GRAMD4: variants seen among roughly 807,000 people sequenced by gnomAD.
GRAMD4 encodes GRAM domain-containing protein 4.
A neutral mutation model predicts 83.9 loss-of-function variants in GRAMD4; 25 were observed. The ratio of observed to expected loss-of-function variants is 0.30; its 90% CI spans 0.22 to 0.42. The LOEUF (loss-of-function observed/expected upper bound fraction) is 0.42. Among genes scored for constraint, GRAMD4 ranks in the 10% least tolerant of loss-of-function variants. The pLI is 1.00. For synonymous variants in GRAMD4, 336 were observed against 320.9 expected (o/e 1.05, Z -0.50); for missense variants, 593 against 788.7 (o/e 0.75, Z 2.97).
chr22:46,643,180 C>CATTTATCCATCCCTGG (rs2082011246), intron 3 of GRAMD4, among the ~76,000 whole-genome samples: 5 of 115,112 alleles, frequency 4.3e-5, no homozygotes, highest in African/African-American at 1.2e-4. Context: ...TCCATCCATC[C>CATTTATCCATCCCTGG]ATCCATCCAT....
downstream of GRAMD4, among the ~76,000 whole-genome samples, chr22:46,682,631 T>C (rs2082676409): frequency 6.6e-6 from 1 of 152,362 alleles, no homozygotes; most frequent in East Asian, 1.9e-4. Flanking sequence ...GCAGCTTACA[T>C]GGACTTCTTT....
At chr22:46,603,513 C>CTTTTTTTTTTTTTTTTTT (rs1569254347) in intron 1 of GRAMD4, among the ~76,000 whole-genome samples, 3 of 106,012 alleles carry the variant, frequency 2.8e-5, no homozygotes, top group African/African-American at 1.1e-4. Flanking sequence ...CCGGCCTCTT[C>CTTTTTTTTTTTTTTTTTT]TCTTTTTTTT....
intron 10 of GRAMD4, 59 bp downstream of exon 10, chr22:46,666,932 A>G (rs1227133952): frequency 1.6e-6 from 2 of 1,252,848 alleles, no homozygotes; most frequent in Admixed American, 4.4e-5. Context: ...CAGGCCTCAC[A>G]GCCTGTAGGC....
At position 46,677,168 on chromosome 22, in the gene GRAMD4, G is replaced by A. The variant is rs1011822619; in HGVS notation, c.1654G>A (p.Val552Met). 1 of 1,613,788 alleles carries A rather than the reference G, an allele frequency of 6.2e-7. No individual in the cohort carries two copies. Among genetic ancestry groups the A allele is most frequent in the Non-Finnish European group, 8.5e-7 (1 of 1,179,980 alleles). ...TQKPLVFGAM[V>M]HRDEAFETIL... The stretch of plus-strand genomic sequence containing the variant: ...CCAGCCGCTCGTGTTTGGTGCCATG[G>A]TGCACAGGGATGAGGCCTTCGAGAC... Residue 552 changes from valine to methionine, a missense_variant, in exon 19 of 19, where the codon GTG becomes ATG. Coordinates refer to ENST00000406902, the MANE Select transcript of GRAMD4 (RefSeq NM_015124.5).
At chr22:46,595,209 C>T (rs955669248) in intron 1 of GRAMD4, among the ~76,000 whole-genome samples, 6 of 152,244 alleles carry the variant, frequency 3.9e-5, no homozygotes, top group African/African-American at 9.6e-5. Context: ...CCAGGGTGGG[C>T]GTGGGTACTA....
At chr22:46,643,904 C>T (rs764685360) in intron 3 of GRAMD4, among the ~76,000 whole-genome samples, 14 of 152,256 alleles carry the variant, frequency 9.2e-5, no homozygotes, top group Middle Eastern at 3.4e-3. Flanking sequence ...AAAATCGTTT[C>T]CATGGTTCCA....
At chr22:46,618,288 C>T (rs1183743630), upstream of GRAMD4, among the ~76,000 whole-genome samples, 3 of 152,014 alleles carry the variant, frequency 2.0e-5, no homozygotes, top group African/African-American at 7.3e-5. The surrounding 1 kb of genome is among the most constrained non-coding windows in gnomAD (Gnocchi z 5.8). Flanking sequence ...GAGCACCAGG[C>T]GGGTTCTAAC....
In GRAMD4 at chr22:46,679,447, G is replaced by A; in HGVS notation, c.*2196G>A. 1.0e-6 allele frequency: 1 copy of A among 985,536 alleles called. No homozygotes were observed. The highest frequency in any genetic ancestry group is 1.7e-5 in the African/African-American group (1 of 57,358). 61.0% of individuals were successfully genotyped at this position (985,536 alleles called of 1,614,324 possible). A position where few individuals can be genotyped will look rare whatever the true frequency, so the allele number is the denominator to read the frequency against. ...ACAGGCCCCTCCCTGGAAGTCCTCG[G>A]GAGCGGAGCGCGGATCGGCACGGGC... On this transcript the variant is annotated 3_prime_UTR_variant, in exon 19 of 19. Coordinates refer to ENST00000406902, the MANE Select transcript of GRAMD4 (RefSeq NM_015124.5).
intron 2 of GRAMD4, among the ~76,000 whole-genome samples, chr22:46,628,474 C>T (rs1601591334): frequency 1.0e-5 from 1 of 97,024 alleles, no homozygotes; most frequent in African/African-American, 4.7e-5. Context: ...GTCTGAGGGG[C>T]GGGTGGACTG....
intron 3 of GRAMD4, among the ~76,000 whole-genome samples, chr22:46,649,040 T>C (rs956140125): frequency 4.6e-5 from 7 of 152,194 alleles, no homozygotes; most frequent in Admixed American, 3.9e-4. Context: ...CTCTTTTGCA[T>C]ATACTTTAAG....
At chr22:46,597,400 C>T (rs2081271784) in intron 1 of GRAMD4, among the ~76,000 whole-genome samples, 1 of 152,236 alleles carries the variant, frequency 6.6e-6, no homozygotes, top group South Asian at 2.1e-4. Flanking sequence ...TCCAGAGGAA[C>T]TTCTTTGGGT....
intron 1 of GRAMD4, among the ~76,000 whole-genome samples, chr22:46,626,284 C>T (rs563572978): frequency 1.3e-5 from 2 of 152,318 alleles, no homozygotes; most frequent in South Asian, 2.1e-4. Flanking sequence ...GTGTTGACCA[C>T]GTTCTTGACG....
intron 3 of GRAMD4, among the ~76,000 whole-genome samples, chr22:46,657,907 A>G (rs542012253): frequency 6.6e-6 from 1 of 152,296 alleles, no homozygotes; most frequent in African/African-American, 2.4e-5. Context: ...GTTATGAAGC[A>G]TAGTGAGGAA....
intron 1 of GRAMD4, among the ~76,000 whole-genome samples, chr22:46,582,387 G>C (rs2081106876): frequency 1.3e-5 from 2 of 152,090 alleles, no homozygotes; most frequent in African/African-American, 4.8e-5. Flanking sequence ...GGGTTCCCCT[G>C]CCGGCCGTTC....
At chr22:46,616,412 G>C (rs144110962), upstream of GRAMD4, among the ~76,000 whole-genome samples, 1 of 56,776 alleles carries the variant, frequency 1.8e-5, no homozygotes, top group African/African-American at 8.0e-5. Context: ...TCCCCTGTGC[G>C]TGTAGGTTCC....
At chr22:46,680,082 G>C (rs1272171312), downstream of GRAMD4, among the ~76,000 whole-genome samples, 1 of 152,216 alleles carries the variant, frequency 6.6e-6, no homozygotes, top group African/African-American at 2.4e-5. Context: ...CCTGCAGGGA[G>C]GGTACCCAGG....
rs1258819949 is a variant in GRAMD4, at chr22:46,655,090, G to C, written c.284-3097G>C. On this transcript the variant is annotated intron_variant, in intron 3 of 18. Transcript: ENST00000406902. ...CTGAGGCTGAGGGACAGCTTACCCT[G>C]GAGGGTGGAAGAGAAGCTTCCTCGG... Among the ~76,000 whole-genome samples, 3 of 152,224 alleles carry C rather than the reference G, an allele frequency of 2.0e-5. No individual in the cohort carries two copies. The East Asian group carries it at 5.8e-4, about 29-fold the overall frequency.
chr22:46,658,353 A>ACCCGGCCCCCCCCCCCCCCCCCC, intron 4 of GRAMD4, 46 bp downstream of exon 4: 1 of 1,496,356 alleles, frequency 6.7e-7, no homozygotes. Flanking sequence ...GGCTGCCCCA[A>ACCCGGCCCCCCCCCCCCCCCCCC]CCCCCCACCC....
intron 17 of GRAMD4, among the ~76,000 whole-genome samples, chr22:46,675,966 A>G (rs932454313): frequency 3.9e-5 from 6 of 152,222 alleles, no homozygotes; most frequent in Admixed American, 6.5e-5. Context: ...TTACCGTAGC[A>G]TGGAATGAGC....
Sources: allele counts gnomAD v4.1 joint callset (sites outside exome capture counted in the v4.1 genomes callset), GRCh38; gene constraint gnomAD v4.1.1; non-coding constraint Gnocchi (gnomAD v3.1); transcripts MANE v1.5; gene names NCBI Gene and HGNC (gene_info 2026-07-23, HGNC 2026-07-21).